Variants in BAZ2B observed in about 807,000 individuals in gnomAD.
The protein encoded by BAZ2B is bromodomain adjacent to zinc finger domain 2B.
BAZ2B carries 91 observed loss-of-function variants against 246.0 expected under a neutral mutation model. The observed-to-expected ratio is 0.37, with a 90% CI of 0.31 to 0.44. The LOEUF is 0.44. BAZ2B is among the 20% of genes least tolerant of loss of function. The pLI is 1.00. For missense variants in BAZ2B, 2,332 were observed against 2,533.7 expected (o/e 0.92, Z 1.71); for synonymous variants, 855 against 860.0 (o/e 0.99, Z 0.10).
chr2:159,388,906 A>G (rs896301887), intron 21 of BAZ2B, among the ~76,000 whole-genome samples: 17 of 152,028 alleles, frequency 1.1e-4, no homozygotes, highest in African/African-American at 2.2e-4. Flanking sequence ...GCTACAAAAA[A>G]TTAAAATAAC....
At chr2:159,663,465 AG>A in the BAZ2B span, among the ~76,000 whole-genome samples, 53 of 149,618 alleles carry the variant, frequency 3.5e-4, no homozygotes, top group Admixed American at 3.3e-3. Flanking sequence ...GGCCTCCCAA[AG>A]TGCTGGGATT....
At chr2:159,604,125 G>A (rs543206617) in intron 1 of BAZ2B, among the ~76,000 whole-genome samples, 2 of 152,144 alleles carry the variant, frequency 1.3e-5, no homozygotes, top group Admixed American at 6.5e-5. Context: ...ACTGTAAGAA[G>A]GAATAAGTAA....
At chr2:159,416,679 AGAG>A (rs1343979677) in intron 13 of BAZ2B, among the ~76,000 whole-genome samples, 3 of 152,238 alleles carry the variant, frequency 2.0e-5, no homozygotes, top group African/African-American at 7.2e-5. Context: ...CTGTGTCAAA[AGAG>A]GAACAAAATA....
At chr2:159,413,407 ACTGG>A (rs764032789) in intron 13 of BAZ2B, among the ~76,000 whole-genome samples, 4 of 152,052 alleles carry the variant, frequency 2.6e-5, no homozygotes, top group Non-Finnish European at 5.9e-5. Context: ...AAATAGACAA[ACTGG>A]CTGGGCGCGG....
At position 159,373,106 on chromosome 2, in the gene BAZ2B, G is replaced by A. The variant is rs897353536; in HGVS notation, c.4152C>T (p.Arg1384=). ...CACATTGGGGAAGAATCCAGTACCG[G>A]CGTCTGTAACGATCTTGGCCAAACA... ...SVMFGQDRYR[R]RYWILPQCGG... is the part of the protein sequence containing the mutation. The change falls in exon 27 of 37, where the codon CGC becomes CGT. Residue 1384 remains arginine, a synonymous_variant. Coordinates refer to ENST00000392783, the MANE Select transcript of BAZ2B (RefSeq NM_013450.4). The A allele has an allele frequency of 6.2e-7, 1 of 1,614,064 alleles. No individual in the cohort carries two copies. Among genetic ancestry groups the A allele is most frequent in the Non-Finnish European group, 8.5e-7 (1 of 1,179,948 alleles).
At chr2:159,688,303 C>A in the BAZ2B span, among the ~76,000 whole-genome samples, 1 of 152,158 alleles carries the variant, frequency 6.6e-6, no homozygotes, top group Non-Finnish European at 1.5e-5. Flanking sequence ...GCTGGGACTA[C>A]AAGCATGAGA....
chr2:159,495,435 A>G (rs2080985857), intron 2 of BAZ2B, among the ~76,000 whole-genome samples: 1 of 132,468 alleles, frequency 7.5e-6, no homozygotes, highest in African/African-American at 2.9e-5. Context: ...CAGTGAGCCG[A>G]GATCGCGCCT....
intron 2 of BAZ2B, among the ~76,000 whole-genome samples, chr2:159,498,793 A>AT (rs1294384158): frequency 9.9e-5 from 15 of 152,046 alleles, no homozygotes; most frequent in African/African-American, 3.4e-4. Flanking sequence ...TTCCCTCATA[A>AT]TTTTTATTAT....
chr2:159,358,143 GC>G (rs1457996275), intron 27 of BAZ2B, among the ~76,000 whole-genome samples: 4 of 152,154 alleles, frequency 2.6e-5, no homozygotes, highest in Admixed American at 2.6e-4. Context: ...CAGGCTAAAT[GC>G]CCCAATTAAA....
intron 2 of BAZ2B, among the ~76,000 whole-genome samples, chr2:159,543,033 T>C (rs1405109500): frequency 6.6e-6 from 1 of 152,148 alleles, no homozygotes; most frequent in African/African-American, 2.4e-5. Flanking sequence ...ACCTGTAAAG[T>C]AAGAATAATA....
At chr2:159,506,048 G>A (rs1052354928) in intron 2 of BAZ2B, among the ~76,000 whole-genome samples, 15 of 152,154 alleles carry the variant, frequency 9.9e-5, no homozygotes, top group African/African-American at 3.4e-4. Context: ...AATCTGAAAC[G>A]GATCTCTCCT....
the BAZ2B span, among the ~76,000 whole-genome samples, chr2:159,651,608 C>T: frequency 4.3e-4 from 66 of 152,066 alleles, no homozygotes; most frequent in African/African-American, 1.4e-3. Context: ...ATAAAACTTA[C>T]CCCTTTGAAA....
chr2:159,351,454 C>T (rs2058554862), intron 27 of BAZ2B, among the ~76,000 whole-genome samples: 2 of 151,992 alleles, frequency 1.3e-5, no homozygotes, highest in Admixed American at 6.6e-5. Context: ...GACTTGTTCT[C>T]CCAATTTACT....
intron 27 of BAZ2B, among the ~76,000 whole-genome samples, chr2:159,363,677 C>T (rs960746264): frequency 6.6e-6 from 1 of 152,072 alleles, no homozygotes; most frequent in African/African-American, 2.4e-5. Context: ...TGCTCATAAA[C>T]AGAAGGAATG....
chr2:159,693,774 C>G, the BAZ2B span: 1 of 151,396 alleles, frequency 6.6e-6, no homozygotes, highest in African/African-American at 2.4e-5. Flanking sequence ...CGTGACTATT[C>G]ACAGATGCAG....
intron 2 of BAZ2B, among the ~76,000 whole-genome samples, chr2:159,522,444 C>CA (rs2084233140): frequency 6.6e-6 from 1 of 152,046 alleles, no homozygotes; most frequent in Non-Finnish European, 1.5e-5. Context: ...ACAACAACAA[C>CA]AAAAAGCAGT....
intron 2 of BAZ2B, among the ~76,000 whole-genome samples, chr2:159,527,371 T>G (rs2084871202): frequency 6.6e-6 from 1 of 152,180 alleles, no homozygotes; most frequent in Admixed American, 6.5e-5. Context: ...AGATAAGCAG[T>G]TTTCAAGTAT....
chr2:159,622,033 G>T, the BAZ2B span, among the ~76,000 whole-genome samples: 1 of 151,890 alleles, frequency 6.6e-6, no homozygotes, highest in African/African-American at 2.4e-5. Flanking sequence ...TTGAAACCGG[G>T]AGGCGGAGGT....
chr2:159,676,975 T>TAC, the BAZ2B span, among the ~76,000 whole-genome samples: 6 of 142,324 alleles, frequency 4.2e-5, no homozygotes, highest in Non-Finnish European at 6.1e-5. Flanking sequence ...TATATATATA[T>TAC]ATATATATAT....
Sources: gnomAD v4.1 joint callset for allele counts (sites outside exome capture counted in the v4.1 genomes callset) on GRCh38, gnomAD v4.1.1 for gene constraint, MANE v1.5 for transcripts, NCBI Gene and HGNC (gene_info 2026-07-23, HGNC 2026-07-21) for gene names.